The following ROBO2 variants were observed in gnomAD, a reference collection of about 807,000 sequenced individuals.
ROBO2 encodes roundabout homolog 2.
In ROBO2, 53 loss-of-function variants were observed where a neutral mutation model predicts 160.8. That is an observed-to-expected ratio of 0.33 (90% CI 0.26 to 0.41). The LOEUF (loss-of-function observed/expected upper bound fraction) is 0.41, where lower values mean the gene tolerates loss of function less well. Among genes scored for constraint, ROBO2 ranks in the 10% least tolerant of loss-of-function variants. ROBO2 has a pLI of 1.00. For synonymous variants in ROBO2, 664 were observed against 611.7 expected, an observed-to-expected ratio of 1.09 and a Z score of -1.26; for missense variants, 1,577 against 1,722.4, an observed-to-expected ratio of 0.92 and a Z score of 1.49.
chr3:77,361,454 C>A (rs974756887), intron 2 of ROBO2, among the ~76,000 whole-genome samples: 1 of 152,108 alleles, frequency 6.6e-6, no homozygotes, highest in Non-Finnish European at 1.5e-5. Context: ...ATCAAGCTAT[C>A]TGTCTTAGTT....
chr3:76,152,028 TC>T (rs1333040933), intron 2 of ROBO2, among the ~76,000 whole-genome samples: 1 of 152,214 alleles, frequency 6.6e-6, no homozygotes, highest in Non-Finnish European at 1.5e-5. Context: ...AAGTTTAGTT[TC>T]ATTTGTGAAA....
intron 14 of ROBO2, 39 bp from the exon 16 acceptor site, chr3:77,577,451 G>A (rs760570926): frequency 1.2e-6 from 2 of 1,612,714 alleles, no homozygotes; most frequent in Admixed American, 3.3e-5. Flanking sequence ...GCACACCAAG[G>A]CTTATAGTTT....
At chr3:77,132,757 C>CT (rs2075966424) in intron 2 of ROBO2, among the ~76,000 whole-genome samples, 1 of 151,404 alleles carries the variant, frequency 6.6e-6, no homozygotes, top group Non-Finnish European at 1.5e-5. Flanking sequence ...GTCTACAATA[C>CT]TGTGAGGCAC....
chr3:75,999,019 G>A (rs969317887), intron 2 of ROBO2, among the ~76,000 whole-genome samples: 5 of 152,128 alleles, frequency 3.3e-5, no homozygotes, highest in Non-Finnish European at 5.9e-5. Context: ...TATGCACCAC[G>A]TTCCTTGGAG....
chr3:77,424,125 AT>A (rs1270099423), intron 2 of ROBO2, among the ~76,000 whole-genome samples: 1 of 152,214 alleles, frequency 6.6e-6, no homozygotes, highest in African/African-American at 2.4e-5. Context: ...ATCATCTAAA[AT>A]TATATATGTG....
At chr3:77,093,068 C>G (rs939883412) in intron 1 of ROBO2, among the ~76,000 whole-genome samples, 2 of 151,938 alleles carry the variant, frequency 1.3e-5, no homozygotes, top group South Asian at 4.2e-4. Flanking sequence ...TCCCTCTCCC[C>G]CTCCTCTTCT....
At chr3:77,181,818 G>T (rs7432001) in intron 2 of ROBO2, among the ~76,000 whole-genome samples, 1 of 151,892 alleles carries the variant, frequency 6.6e-6, no homozygotes, top group Non-Finnish European at 1.5e-5. Flanking sequence ...TTTAAAATGC[G>T]AAGTCTCATA....
At chr3:77,454,264 G>C (rs1179242100) in intron 2 of ROBO2, among the ~76,000 whole-genome samples, 1 of 152,084 alleles carries the variant, frequency 6.6e-6, no homozygotes, top group East Asian at 1.9e-4. Context: ...TTGAGAAAAA[G>C]ATAAGCGTTC....
intron 2 of ROBO2, among the ~76,000 whole-genome samples, chr3:76,831,920 C>A (rs1225882252): frequency 6.6e-6 from 1 of 152,126 alleles, no homozygotes; most frequent in African/African-American, 2.4e-5. Context: ...GCTAGGCTTG[C>A]TGGAATTTAC....
At chr3:76,220,323 A>G (rs1375996179) in intron 2 of ROBO2, among the ~76,000 whole-genome samples, 2 of 151,710 alleles carry the variant, frequency 1.3e-5, no homozygotes, top group African/African-American at 2.4e-5. Context: ...AACTTAAAGT[A>G]TAATAATAAT....
intron 2 of ROBO2, among the ~76,000 whole-genome samples, chr3:76,121,037 A>C (rs1256140581): frequency 6.6e-6 from 1 of 152,160 alleles, no homozygotes; most frequent in Non-Finnish European, 1.5e-5. Context: ...ACATGGGCCA[A>C]GAATAAGATG....
chr3:77,210,870 A>T (rs1231683372), intron 2 of ROBO2, among the ~76,000 whole-genome samples: 1 of 152,014 alleles, frequency 6.6e-6, no homozygotes, highest in African/African-American at 2.4e-5. Context: ...TAGTTTACTG[A>T]GAATGATGAT....
At chr3:77,175,358 A>G (rs993906803) in intron 2 of ROBO2, among the ~76,000 whole-genome samples, 6 of 152,044 alleles carry the variant, frequency 3.9e-5, no homozygotes, top group Non-Finnish European at 8.8e-5. Flanking sequence ...GGGGTTTTAT[A>G]GAGCATCAAT....
chr3:76,368,050 A>G (rs2075915937), intron 2 of ROBO2, among the ~76,000 whole-genome samples: 1 of 151,974 alleles, frequency 6.6e-6, no homozygotes, highest in Non-Finnish European at 1.5e-5. Flanking sequence ...TTAAAATAAA[A>G]TAGTCATATA....
intron 9 of ROBO2, among the ~76,000 whole-genome samples, chr3:77,560,955 A>C (rs1024565332): frequency 3.3e-5 from 5 of 152,128 alleles, no homozygotes; most frequent in Non-Finnish European, 7.4e-5. Flanking sequence ...GATGCTTCTT[A>C]AATGCAAAGA....
chr3:76,176,268 A>G (rs926293932), intron 2 of ROBO2, among the ~76,000 whole-genome samples: 3 of 152,128 alleles, frequency 2.0e-5, no homozygotes, highest in Admixed American at 2.0e-4. Flanking sequence ...AACTGATTGC[A>G]ATGTGTTTCA....
intron 2 of ROBO2, among the ~76,000 whole-genome samples, chr3:76,630,268 G>A (rs1191990163): frequency 1.4e-5 from 2 of 147,784 alleles, no homozygotes; most frequent in African/African-American, 5.4e-5. Context: ...GTGTGTGTGA[G>A]CGTGCCCTGC....
intron 2 of ROBO2, among the ~76,000 whole-genome samples, chr3:77,273,898 T>A (rs2059657986): frequency 6.6e-6 from 1 of 152,174 alleles, no homozygotes; most frequent in Non-Finnish European, 1.5e-5. Flanking sequence ...TAAACTTTAT[T>A]AATTTTTTGC....
intron 2 of ROBO2, among the ~76,000 whole-genome samples, chr3:76,243,264 C>T (rs773135111): frequency 6.6e-5 from 10 of 152,154 alleles, no homozygotes; most frequent in Admixed American, 1.3e-4. Flanking sequence ...GCTCCTTGAG[C>T]ACTGCCGGTC....
Sources: gnomAD v4.1 joint callset for allele counts (sites outside exome capture counted in the v4.1 genomes callset) on GRCh38, gnomAD v4.1.1 for gene constraint, MANE v1.5 for transcripts, NCBI Gene and HGNC (gene_info 2026-07-23, HGNC 2026-07-21) for gene names.